EAF2: variants seen among roughly 807,000 people sequenced by gnomAD.
The protein encoded by EAF2 is ELL associated factor 2, also known as ELL-associated factor 2.
In EAF2, 29 loss-of-function variants were observed where a neutral mutation model predicts 29.4. The observed-to-expected ratio is 0.99, with a 90% CI of 0.73 to 1.35. EAF2 has a LOEUF of 1.35. Ranked by LOEUF, EAF2 falls within the 40% of genes most tolerant of loss-of-function variation. The probability of loss-of-function intolerance (pLI) is 0.00; values close to 1 mark genes in which losing one functional copy is unlikely to be tolerated. For missense variants in EAF2, 292 were observed against 312.0 expected (o/e 0.94, Z 0.48); for synonymous variants, 103 against 102.5 (o/e 1.00, Z -0.03).
intron 2 of EAF2, among the ~76,000 whole-genome samples, chr3:121,854,310 T>C (rs1187365948): frequency 4.1e-5 from 4 of 98,572 alleles, no homozygotes; most frequent in Non-Finnish European, 8.3e-5. Flanking sequence ...AGCAAGACTC[T>C]GTCTCAAAAA....
intron 3 of EAF2, among the ~76,000 whole-genome samples, chr3:121,856,507 G>C (rs527749181): frequency 6.6e-6 from 1 of 151,698 alleles, no homozygotes; most frequent in Non-Finnish European, 1.5e-5. Context: ...TATGAGACAG[G>C]GTCTCACTCT....
intron 4 of EAF2, among the ~76,000 whole-genome samples, chr3:121,861,696 A>G (rs1708835953): frequency 6.6e-6 from 1 of 152,054 alleles, no homozygotes; most frequent in South Asian, 2.1e-4. Flanking sequence ...GTTATGTGTT[A>G]ATTTGATCCT....
chr3:121,853,635 G>A (rs769326217), intron 2 of EAF2, among the ~76,000 whole-genome samples: 17 of 152,130 alleles, frequency 1.1e-4, no homozygotes, highest in Admixed American at 3.3e-4. Flanking sequence ...TGGAAAAACC[G>A]TACTATCTGT....
At chr3:121,848,229 G>A (rs138115613) in intron 2 of EAF2, among the ~76,000 whole-genome samples, 1,863 of 152,234 alleles carry the variant, frequency 0.012, 43 homozygotes, top group African/African-American at 0.042. Context: ...TCATTAGGTT[G>A]GCAGCAGAGG....
At chr3:121,880,024 C>T (rs992313588) in intron 5 of EAF2, among the ~76,000 whole-genome samples, 1 of 152,074 alleles carries the variant, frequency 6.6e-6, no homozygotes, top group African/African-American at 2.4e-5. Flanking sequence ...CATGGCATGT[C>T]TTTCCATTTT....
intron 4 of EAF2, among the ~76,000 whole-genome samples, chr3:121,860,796 T>C (rs1708814309): frequency 6.6e-6 from 1 of 152,244 alleles, no homozygotes; most frequent in South Asian, 2.1e-4. Flanking sequence ...CTGCTTTCTC[T>C]TGTGGGCATT....
chr3:121,841,566 A>G (rs1178614659), intron 1 of EAF2, among the ~76,000 whole-genome samples: 3 of 142,848 alleles, frequency 2.1e-5, no homozygotes, highest in Non-Finnish European at 3.1e-5. Flanking sequence ...GAAAAAAGAT[A>G]GAAAGAAATA....
intron 1 of EAF2, among the ~76,000 whole-genome samples, chr3:121,840,406 G>A (rs1708390818): frequency 6.8e-6 from 1 of 146,504 alleles, no homozygotes; most frequent in Non-Finnish European, 1.5e-5. Context: ...CAGGAGAATC[G>A]CTTGAACCAG....
intron 4 of EAF2, among the ~76,000 whole-genome samples, chr3:121,860,748 TTGAC>T (rs1165698347): frequency 2.0e-5 from 3 of 152,178 alleles, no homozygotes; most frequent in Non-Finnish European, 4.4e-5. Flanking sequence ...CTTTAGTTCT[TTGAC>T]TGGTGATGTT....
intron 4 of EAF2, among the ~76,000 whole-genome samples, chr3:121,867,620 C>A (rs1461966319): frequency 6.6e-6 from 1 of 152,154 alleles, no homozygotes; most frequent in Admixed American, 6.5e-5. Flanking sequence ...TCCTAGGAAA[C>A]TATCCTTAAA....
At chr3:121,835,537 A>G in intron 1 of EAF2, 146 bp downstream of exon 1, 1 of 713,646 alleles carries the variant, frequency 1.4e-6, no homozygotes, top group Non-Finnish European at 2.4e-6. Flanking sequence ...GCGATCCTCT[A>G]ACCTGCTCGG....
rs9884018 is a variant in EAF2 at position 121,844,508 on chromosome 3, T to C, written c.162T>C (p.Gly54=). The change falls in exon 2 of 6, where the codon GGT becomes GGC. Residue 54 remains glycine (G), a synonymous_variant. Coordinates refer to ENST00000273668, the MANE Select transcript of EAF2 (RefSeq NM_018456.6). The part of the protein sequence containing the change: ...DTSSEGYLEV[G]EGEQVTITLP... ...CTTCTGAAGGATACCTTGAGGTTGG[T>C]GAAGGTGAACAGGTGACCATAACTC... 0.16 allele frequency: 255,005 copies of C among 1,608,478 alleles called. 26,203 individuals are homozygous for C. The highest frequency in any genetic ancestry group is 0.64 in the East Asian group (28,518 of 44,298).
At chr3:121,848,500 C>T (rs1437541882) in intron 2 of EAF2, among the ~76,000 whole-genome samples, 2 of 152,086 alleles carry the variant, frequency 1.3e-5, no homozygotes, top group Non-Finnish European at 2.9e-5. Context: ...GCATTTAAAT[C>T]GCAACTCTGC....
intron 4 of EAF2, among the ~76,000 whole-genome samples, chr3:121,861,204 A>T (rs561481476): frequency 1.3e-5 from 2 of 152,302 alleles, no homozygotes; most frequent in South Asian, 4.1e-4. Flanking sequence ...TGCAGAGCTG[A>T]GTTCATGTCC....
chr3:121,883,816 T>G (rs1441880083), intron 5 of EAF2, among the ~76,000 whole-genome samples: 4 of 152,232 alleles, frequency 2.6e-5, no homozygotes, highest in Non-Finnish European at 5.9e-5. Flanking sequence ...ATTACAGCTA[T>G]GATTGAAAAC....
chr3:121,845,867 G>A lies in EAF2; in HGVS notation c.201+1320G>A, dbSNP rs536921422. On this transcript the variant is annotated intron_variant, in intron 2 of 5. Transcript: ENST00000273668. ...CAAGTAACGGTACCAAATACTATTC[G>A]CATACAAATATAAGTTCTTTGTTGT... 7.9e-5 allele frequency among the ~76,000 whole-genome samples: 12 copies of A among 152,124 alleles called. No individual in the cohort carries two copies. In the East Asian group the frequency reaches 1.5e-3, roughly 20 times the overall value.
chr3:121,864,421 G>A (rs547444395), intron 4 of EAF2, among the ~76,000 whole-genome samples: 92 of 152,156 alleles, frequency 6.0e-4, no homozygotes, highest in African/African-American at 2.1e-3. Context: ...GCTTCCAAAT[G>A]GATTTGAATT....
At chr3:121,883,953 G>A (rs1218973239) in intron 5 of EAF2, among the ~76,000 whole-genome samples, 2 of 152,176 alleles carry the variant, frequency 1.3e-5, no homozygotes, top group African/African-American at 4.8e-5. Context: ...GTACGTTTGG[G>A]TTTGTGTCGC....
At chr3:121,871,669 T>G (rs1349506382) in intron 4 of EAF2, among the ~76,000 whole-genome samples, 1 of 152,000 alleles carries the variant, frequency 6.6e-6, no homozygotes, top group Non-Finnish European at 1.5e-5. Context: ...ACCAGTTAAC[T>G]TAATGTAGCA....
Sources: gnomAD v4.1 joint callset for allele counts (sites outside exome capture counted in the v4.1 genomes callset) on GRCh38, gnomAD v4.1.1 for gene constraint, MANE v1.5 for transcripts, NCBI Gene and HGNC (gene_info 2026-07-23, HGNC 2026-07-21) for gene names.